The following MLIP variants were observed in gnomAD, a reference collection of about 807,000 sequenced individuals.
MLIP encodes the protein muscular LMNA-interacting protein.
In MLIP, 79 loss-of-function variants were observed where a neutral mutation model predicts 84.8. The observed-to-expected ratio is 0.93, with a 90% CI of 0.78 to 1.12. MLIP has a LOEUF of 1.12. Ranked by LOEUF, MLIP falls within the 50% of genes most tolerant of loss-of-function variation. The pLI is 0.00. For missense variants in MLIP, 1,257 were observed against 1,160.6 expected, an observed-to-expected ratio of 1.08 and a Z score of -1.21; for synonymous variants, 504 against 463.0, an observed-to-expected ratio of 1.09 and a Z score of -1.14.
At chr6:54,040,744 T>C (rs918462156) in intron 1 of MLIP, among the ~76,000 whole-genome samples, 3 of 152,004 alleles carry the variant, frequency 2.0e-5, no homozygotes, top group Non-Finnish European at 2.9e-5. Flanking sequence ...ATAAAAAAGA[T>C]AGAAATCATG....
chr6:54,183,367 T>G (rs144654663), intron 9 of MLIP, among the ~76,000 whole-genome samples: 115 of 152,320 alleles, frequency 7.5e-4, no homozygotes, highest in African/African-American at 2.7e-3. Flanking sequence ...TCATTTTATA[T>G]TTGTTCAGAA....
chr6:54,264,110 C>T (rs758966821), intron 13 of MLIP, among the ~76,000 whole-genome samples: 24 of 151,866 alleles, frequency 1.6e-4, no homozygotes, highest in Non-Finnish European at 2.5e-4. Flanking sequence ...CTGGTGGGTT[C>T]GGGAAGAGCT....
intron 12 of MLIP, among the ~76,000 whole-genome samples, chr6:54,238,502 A>C (rs1781510298): frequency 6.6e-6 from 1 of 152,218 alleles, no homozygotes; most frequent in Non-Finnish European, 1.5e-5. Context: ...CAAGCCATGT[A>C]GACAGGAAGT....
At chr6:54,055,182 G>T (rs898584386) in intron 1 of MLIP, among the ~76,000 whole-genome samples, 4 of 152,038 alleles carry the variant, frequency 2.6e-5, no homozygotes, top group Non-Finnish European at 4.4e-5. Flanking sequence ...CACCGCACCC[G>T]GCCTCATCAC....
intron 1 of MLIP, among the ~76,000 whole-genome samples, chr6:54,079,079 C>T (rs1254058184): frequency 1.3e-5 from 2 of 152,132 alleles, no homozygotes; most frequent in South Asian, 2.1e-4. Context: ...TTTGAAGGGA[C>T]ATAATTACAC....
intron 5 of MLIP, among the ~76,000 whole-genome samples, chr6:54,153,197 ATT>A (rs570398731): frequency 6.7e-6 from 1 of 149,942 alleles, no homozygotes; most frequent in East Asian, 2.0e-4. Context: ...TAGGAAAAAC[ATT>A]TTTTTTTGGT....
chr6:54,261,445 A>G (rs1224932193), intron 13 of MLIP, among the ~76,000 whole-genome samples: 1 of 152,036 alleles, frequency 6.6e-6, no homozygotes, highest in Non-Finnish European at 1.5e-5. Flanking sequence ...TTGAGAGCTA[A>G]TCGTTCACTA....
chr6:54,141,456 A>G (rs1772298013), intron 4 of MLIP, among the ~76,000 whole-genome samples: 1 of 151,762 alleles, frequency 6.6e-6, no homozygotes, highest in Non-Finnish European at 1.5e-5. Flanking sequence ...ACAGGTGTGC[A>G]CCATAACATC....
At position 54,202,337 on chromosome 6, in the gene MLIP, GTC is replaced by G. The variant is rs60385418; in HGVS notation, c.2718+108_2718+109del. The G allele has an allele frequency of 0.014, 8,500 of 617,124 alleles. 600 individuals are homozygous for G. The African/African-American group carries it at 0.16, about 11-fold the overall frequency. 38.2% of individuals were successfully genotyped at this position (617,124 alleles called of 1,614,324 possible). On this transcript the variant is annotated intron_variant, in intron 11 of 13. Transcript: ENST00000502396. ...ATTTTGATAAATATAAAATAAAGATGTCTCTATGAATATAGTATGCGTAAGAA... is the reference window on the plus strand; with the variant it reads ...ATTTTGATAAATATAAAATAAAGATGTCTATGAATATAGTATGCGTAAGAA...
At chr6:54,068,117 C>T (rs1210673105) in intron 1 of MLIP, among the ~76,000 whole-genome samples, 2 of 73,482 alleles carry the variant, frequency 2.7e-5, no homozygotes, top group African/African-American at 6.2e-5. Context: ...CCCTCCTCTC[C>T]CTTTCCCTCC....
chr6:54,019,488 G>A (rs1389377971), intron 1 of MLIP, among the ~76,000 whole-genome samples: 1 of 152,100 alleles, frequency 6.6e-6, no homozygotes, highest in Admixed American at 6.5e-5. Flanking sequence ...AAGTATTATA[G>A]AATATATTAA....
chr6:54,025,403 T>A (rs1006543801), intron 1 of MLIP, among the ~76,000 whole-genome samples: 1 of 152,170 alleles, frequency 6.6e-6, no homozygotes, highest in Non-Finnish European at 1.5e-5. Flanking sequence ...TAAATGCAAA[T>A]TAAATTTAAT....
chr6:54,019,363 C>T (rs777078161), intron 1 of MLIP, among the ~76,000 whole-genome samples: 13 of 152,120 alleles, frequency 8.5e-5, no homozygotes, highest in Non-Finnish European at 1.2e-4. Flanking sequence ...TTATTTTGAC[C>T]TCTCATTGTG....
intron 1 of MLIP, among the ~76,000 whole-genome samples, chr6:54,062,629 G>A (rs924366830): frequency 1.3e-5 from 2 of 152,148 alleles, no homozygotes; most frequent in Admixed American, 1.3e-4. Context: ...GAGAGGTGAG[G>A]AACAGGGAAT....
intron 1 of MLIP, among the ~76,000 whole-genome samples, chr6:54,022,900 G>A (rs1178563150): frequency 6.6e-6 from 1 of 152,096 alleles, no homozygotes; most frequent in African/African-American, 2.4e-5. Flanking sequence ...GGGCGCGGTG[G>A]CTCATGCCTG....
At chr6:54,211,122 C>A (rs574072964) in intron 11 of MLIP, among the ~76,000 whole-genome samples, 2 of 152,194 alleles carry the variant, frequency 1.3e-5, no homozygotes, top group Admixed American at 6.5e-5. Context: ...TGCCTATAAT[C>A]CCAGCTACTC....
chr6:54,149,270 G>C, intron 5 of MLIP, 143 bp downstream of exon 5: 1 of 737,000 alleles, frequency 1.4e-6, no homozygotes, highest in Non-Finnish European at 2.2e-6. Context: ...AGGATGATGT[G>C]GTGAAAACAT....
intron 12 of MLIP, among the ~76,000 whole-genome samples, chr6:54,231,230 A>G (rs1780979142): frequency 6.6e-6 from 1 of 152,142 alleles, no homozygotes; most frequent in South Asian, 2.1e-4. Context: ...AAATGCCATT[A>G]TTAATTTATA....
At chr6:54,130,998 C>A (rs1040423629) in intron 3 of MLIP, among the ~76,000 whole-genome samples, 2 of 152,134 alleles carry the variant, frequency 1.3e-5, no homozygotes, top group African/African-American at 4.8e-5. Flanking sequence ...GTAAGCGATT[C>A]AAGTGCCTGT....
Sources: allele counts gnomAD v4.1 joint callset (sites outside exome capture counted in the v4.1 genomes callset), GRCh38; gene constraint gnomAD v4.1.1; transcripts MANE v1.5; gene names NCBI Gene and HGNC (gene_info 2026-07-23, HGNC 2026-07-21).